The following CNTNAP5 variants were observed in gnomAD, a reference collection of about 807,000 sequenced individuals.
CNTNAP5 encodes contactin-associated protein-like 5.
In CNTNAP5, 72 loss-of-function variants were observed where a neutral mutation model predicts 150.2. That is an observed-to-expected ratio of 0.48 (90% CI 0.40 to 0.58). The LOEUF (loss-of-function observed/expected upper bound fraction) is 0.58, where lower values mean the gene tolerates loss of function less well. Ranked by LOEUF, CNTNAP5 falls within the 20% of genes least tolerant of loss-of-function variation. CNTNAP5 has a pLI of 0.00. For synonymous variants in CNTNAP5, 672 were observed against 619.8 expected (o/e 1.08, Z -1.25); for missense variants, 1,636 against 1,626.2 (o/e 1.01, Z -0.10).
chr2:124,098,170 A>G (rs917341569), intron 1 of CNTNAP5, among the ~76,000 whole-genome samples: 2 of 152,238 alleles, frequency 1.3e-5, no homozygotes, highest in Non-Finnish European at 2.9e-5. Flanking sequence ...TGTTATATGT[A>G]TTATTTGCTC....
At chr2:124,326,305 A>G (rs1689215033) in intron 3 of CNTNAP5, among the ~76,000 whole-genome samples, 1 of 152,198 alleles carries the variant, frequency 6.6e-6, no homozygotes, top group African/African-American at 2.4e-5. Flanking sequence ...GGATTTCAGC[A>G]TGATTTTTAA....
chr2:124,111,913 G>C (rs1683307833), intron 1 of CNTNAP5, among the ~76,000 whole-genome samples: 6 of 152,110 alleles, frequency 3.9e-5, no homozygotes, highest in Admixed American at 3.9e-4. Context: ...CTACGGTACT[G>C]GTCCAGTCTT....
At chr2:124,294,183 T>C (rs1243693472) in intron 3 of CNTNAP5, among the ~76,000 whole-genome samples, 1 of 152,130 alleles carries the variant, frequency 6.6e-6, no homozygotes, top group Non-Finnish European at 1.5e-5. Context: ...CTATCCCACA[T>C]AGCATATTTA....
intron 13 of CNTNAP5, among the ~76,000 whole-genome samples, chr2:124,741,971 T>C (rs1680505937): frequency 1.3e-5 from 2 of 152,314 alleles, no homozygotes; most frequent in Non-Finnish European, 2.9e-5. Context: ...AAGTTTATGA[T>C]GCATTATCCT....
chr2:124,889,468 G>C (rs780378895), intron 21 of CNTNAP5, among the ~76,000 whole-genome samples: 1 of 151,966 alleles, frequency 6.6e-6, no homozygotes, highest in South Asian at 2.1e-4. Context: ...ATTATTCTAC[G>C]TATGGATAGT....
intron 3 of CNTNAP5, among the ~76,000 whole-genome samples, chr2:124,255,312 C>G (rs1027597080): frequency 2.0e-5 from 3 of 152,094 alleles, no homozygotes; most frequent in Non-Finnish European, 4.4e-5. Context: ...ATCACAAGGT[C>G]AGGAAATCGA....
chr2:124,543,784 C>T (rs1033298629), intron 10 of CNTNAP5, among the ~76,000 whole-genome samples: 1 of 152,058 alleles, frequency 6.6e-6, no homozygotes, highest in Admixed American at 6.6e-5. Flanking sequence ...AGAGTTGCTT[C>T]CAACTTTTGC....
chr2:124,525,128 T>C (rs1694934350), intron 9 of CNTNAP5, among the ~76,000 whole-genome samples: 1 of 152,212 alleles, frequency 6.6e-6, no homozygotes, highest in South Asian at 2.1e-4. Flanking sequence ...CATCTACTGA[T>C]TTTTTATAAA....
At chr2:124,358,328 T>G (rs2104710848) in intron 3 of CNTNAP5, among the ~76,000 whole-genome samples, 1 of 152,264 alleles carries the variant, frequency 6.6e-6, no homozygotes, top group South Asian at 2.1e-4. Flanking sequence ...TGGCCAGAAC[T>G]TCCAACACTA....
rs371540571 is a variant in CNTNAP5, at chr2:124,620,207, G to T, written c.1876+10287G>T. Among the ~76,000 whole-genome samples the T allele has an allele frequency of 3.5e-4, 54 of 152,176 alleles. 1 individual carries two copies. Among genetic ancestry groups the T allele is most frequent in the African/African-American group, 1.2e-3 (50 of 41,504 alleles). On this transcript the variant is annotated intron_variant, in intron 12 of 23. Coordinates refer to ENST00000682447, the MANE Select transcript of CNTNAP5 (RefSeq NM_001367498.1). ...GAGTCTAGTGTAAATTGAACTCTGA[G>T]AAATCACTGCCAAATTGAAGACTAA... is the stretch of plus-strand genomic sequence containing the variant.
chr2:124,847,291 G>A (rs1683069382), intron 19 of CNTNAP5, among the ~76,000 whole-genome samples: 1 of 152,182 alleles, frequency 6.6e-6, no homozygotes, highest in Non-Finnish European at 1.5e-5. Flanking sequence ...TGCTGCAGCT[G>A]CTGTGGAGGA....
At chr2:124,861,936 C>A (rs1257631821) in intron 19 of CNTNAP5, among the ~76,000 whole-genome samples, 1 of 152,142 alleles carries the variant, frequency 6.6e-6, no homozygotes, top group Non-Finnish European at 1.5e-5. Flanking sequence ...GCCTCAGTCT[C>A]CTGAGTAGCT....
At chr2:124,866,593 G>T (rs1322902128) in intron 20 of CNTNAP5, among the ~76,000 whole-genome samples, 2 of 152,036 alleles carry the variant, frequency 1.3e-5, no homozygotes, top group African/African-American at 4.8e-5. Flanking sequence ...AGAGTGCTCA[G>T]GAAGAGGGTC....
At chr2:124,094,273 A>G (rs1019444905) in intron 1 of CNTNAP5, among the ~76,000 whole-genome samples, 1 of 152,208 alleles carries the variant, frequency 6.6e-6, no homozygotes, top group African/African-American at 2.4e-5. Flanking sequence ...GAACTTTGAA[A>G]TCTGTCCTAT....
At chr2:124,134,146 A>G (rs1472741718) in intron 1 of CNTNAP5, among the ~76,000 whole-genome samples, 1 of 152,144 alleles carries the variant, frequency 6.6e-6, no homozygotes, top group Non-Finnish European at 1.5e-5. Context: ...TGTAAAGGCC[A>G]AAGTTGAGGT....
intron 1 of CNTNAP5, among the ~76,000 whole-genome samples, chr2:124,194,449 T>A (rs1210229354): frequency 6.8e-6 from 1 of 146,890 alleles, no homozygotes; most frequent in African/African-American, 2.5e-5. Flanking sequence ...GGTAATGCAA[T>A]GAGGCCTGTT....
intron 3 of CNTNAP5, among the ~76,000 whole-genome samples, chr2:124,300,350 C>T (rs543709757): frequency 3.9e-5 from 6 of 152,304 alleles, no homozygotes; most frequent in Admixed American, 2.6e-4. Context: ...GCAAATAAGT[C>T]TGATAAACTA....
chr2:124,297,165 C>T (rs1688454333), intron 3 of CNTNAP5, among the ~76,000 whole-genome samples: 1 of 152,196 alleles, frequency 6.6e-6, no homozygotes, highest in Non-Finnish European at 1.5e-5. Context: ...ATATTTTAAG[C>T]ACCAAATATT....
chr2:124,194,795 A>G (rs1405794459), intron 1 of CNTNAP5, among the ~76,000 whole-genome samples: 2 of 151,672 alleles, frequency 1.3e-5, no homozygotes, highest in African/African-American at 2.4e-5. Flanking sequence ...GTAATATAGA[A>G]ATACAATACC....
Sources: allele counts gnomAD v4.1 joint callset (sites outside exome capture counted in the v4.1 genomes callset), GRCh38; gene constraint gnomAD v4.1.1; transcripts MANE v1.5; gene names NCBI Gene and HGNC (gene_info 2026-07-23, HGNC 2026-07-21).